TRAF3: variants seen among roughly 807,000 people sequenced by gnomAD.
The protein encoded by TRAF3 is TNF receptor associated factor 3.
Under a neutral mutation model 62.3 loss-of-function variants are expected in TRAF3, and 13 were observed. That is an observed-to-expected ratio of 0.21 (90% CI 0.14 to 0.33). The LOEUF (loss-of-function observed/expected upper bound fraction) is 0.33. TRAF3 is among the 10% of genes least tolerant of loss of function. TRAF3 has a pLI of 1.00. For synonymous variants in TRAF3, 269 were observed against 283.4 expected (o/e 0.95, Z 0.51); for missense variants, 440 against 741.8 (o/e 0.59, Z 4.73).
chr14:102,832,011 A>G (rs1180425887), intron 2 of TRAF3, among the ~76,000 whole-genome samples: 1 of 152,210 alleles, frequency 6.6e-6, no homozygotes, highest in Non-Finnish European at 1.5e-5. Context: ...TAATGCCTGG[A>G]AGCCAGTTGG....
intron 1 of TRAF3, among the ~76,000 whole-genome samples, chr14:102,827,243 C>T (rs570294699): frequency 5.3e-5 from 8 of 152,224 alleles, no homozygotes; most frequent in South Asian, 2.1e-4. Flanking sequence ...TCCTCCACCA[C>T]GCATGATGGT....
At chr14:102,812,685 C>T (rs1030644851) in intron 1 of TRAF3, among the ~76,000 whole-genome samples, 3 of 151,938 alleles carry the variant, frequency 2.0e-5, no homozygotes, top group East Asian at 2.0e-4. Flanking sequence ...TTTGGGAGGC[C>T]GAGGGGGGCG....
Position 102,870,229 on chromosome 14 carries a change from C to A in TRAF3, c.28C>A (p.Pro10Thr), listed in dbSNP as rs1302170239. 6.2e-7 allele frequency: 1 copy of A among 1,613,986 alleles called. No individual in the cohort carries two copies. The highest frequency in any genetic ancestry group is 1.3e-5 in the African/African-American group (1 of 74,912). Residue 10 changes from proline to threonine, a missense_variant, in exon 3 of 12, where the codon CCT (proline) becomes ACT (threonine). Coordinates refer to ENST00000392745, the MANE Select transcript of TRAF3 (RefSeq NM_145725.3). MESSKKMDSPGALQTNPPLK... is the reference protein window; with the variant it reads MESSKKMDSTGALQTNPPLK... ...GGAGTCGAGTAAAAAGATGGACTCT[C>A]CTGGCGCGCTGCAGACTAACCCGCC... is the stretch of plus-strand genomic sequence containing the variant.
intron 8 of TRAF3, among the ~76,000 whole-genome samples, 178 bp from the exon 9 acceptor site, chr14:102,891,147 G>A (rs1035320623): frequency 6.6e-6 from 1 of 152,200 alleles, no homozygotes; most frequent in Non-Finnish European, 1.5e-5. Flanking sequence ...TCACCTGCAC[G>A]CAGTAGCCAG....
Position 102,886,276 on chromosome 14 carries a change from GCGGCCGGGCC to G in TRAF3, c.651+16_651+25del, listed in dbSNP as rs774650806. On this transcript the variant is annotated splice_region_variant and intron_variant, in intron 7 of 11. Transcript: ENST00000392745. Reference sequence around the variant, plus strand: ...GACTCTCCTGAGGAGCGAGGTAGGGGCGGCCGGGCCCGGCCGGGAGTCTGTGGAGTCCTCA... The same window carrying G: ...GACTCTCCTGAGGAGCGAGGTAGGGGCGGCCGGGAGTCTGTGGAGTCCTCA... 1.9e-6 allele frequency: 3 copies of G among 1,608,394 alleles called. No homozygotes were observed. The highest frequency in any genetic ancestry group is 2.5e-6 in the Non-Finnish European group (3 of 1,178,986).
chr14:102,852,721 G>C (rs1437965600), intron 2 of TRAF3, among the ~76,000 whole-genome samples: 1 of 151,860 alleles, frequency 6.6e-6, no homozygotes, highest in Admixed American at 6.6e-5. Flanking sequence ...TTTTTTTAGA[G>C]ACAGAATCTT....
intron 1 of TRAF3, among the ~76,000 whole-genome samples, chr14:102,821,899 G>A (rs1183117327): frequency 1.3e-5 from 2 of 152,138 alleles, no homozygotes; most frequent in Admixed American, 6.6e-5. Flanking sequence ...AAAATTAGCC[G>A]GGTGTGGTGG....
intron 2 of TRAF3, among the ~76,000 whole-genome samples, chr14:102,860,596 G>T (rs1303506045): frequency 1.3e-5 from 2 of 152,212 alleles, no homozygotes; most frequent in Admixed American, 6.5e-5. Context: ...CCTCCCAGGT[G>T]CTGAGAGAAA....
chr14:102,900,335 T>C (rs902501876), intron 10 of TRAF3, among the ~76,000 whole-genome samples: 7 of 151,768 alleles, frequency 4.6e-5, no homozygotes, highest in Admixed American at 4.6e-4. Context: ...ACCCCGTCTC[T>C]ACTAAAAATA....
chr14:102,782,839 C>G (rs1478137648), intron 1 of TRAF3, among the ~76,000 whole-genome samples: 1 of 152,006 alleles, frequency 6.6e-6, no homozygotes, highest in Non-Finnish European at 1.5e-5. Context: ...GTGGCAGAAC[C>G]CAAAAGCGTA....
At chr14:102,899,768 G>A (rs1053620682) in intron 10 of TRAF3, among the ~76,000 whole-genome samples, 11 of 152,192 alleles carry the variant, frequency 7.2e-5, no homozygotes, top group Non-Finnish European at 1.2e-4. Context: ...CTGTGGCAGT[G>A]GGGGTGCAGG....
intron 1 of TRAF3, among the ~76,000 whole-genome samples, chr14:102,827,447 A>G (rs1900391813): frequency 6.6e-6 from 1 of 152,224 alleles, no homozygotes; most frequent in African/African-American, 2.4e-5. Context: ...TAAACACAAA[A>G]TTCTTTTCAT....
intron 2 of TRAF3, among the ~76,000 whole-genome samples, chr14:102,858,990 G>A (rs1164449729): frequency 1.3e-5 from 2 of 152,162 alleles, no homozygotes; most frequent in Non-Finnish European, 1.5e-5. Context: ...TTAAAGAGCA[G>A]ATCAGTGCTC....
chr14:102,890,657 A>G (rs944136529), intron 8 of TRAF3, among the ~76,000 whole-genome samples: 17 of 152,250 alleles, frequency 1.1e-4, no homozygotes, highest in African/African-American at 3.6e-4. Context: ...AAAACAAATT[A>G]TATTTCAGAC....
chr14:102,895,107 C>T (rs774653802), intron 9 of TRAF3: 26 of 455,726 alleles, frequency 5.7e-5, no homozygotes, highest in South Asian at 3.3e-4. Flanking sequence ...AATTCTGTCC[C>T]GTCTTTGACA....
chr14:102,895,693 A>G (rs114381942), intron 9 of TRAF3, among the ~76,000 whole-genome samples: 1,692 of 152,368 alleles, frequency 0.011, 35 homozygotes, highest in African/African-American at 0.039. Context: ...CTTGTGAGAA[A>G]GAAACCCTCG....
In TRAF3 at chr14:102,826,675, T is replaced by C. The variant is rs1038236683; in HGVS notation, c.-156-3659T>C. On this transcript the variant is annotated intron_variant, in intron 1 of 11. Coordinates refer to ENST00000392745, the MANE Select transcript of TRAF3 (RefSeq NM_145725.3). This position sits in a 1 kb window ranked among gnomAD's most constrained non-coding sequence, Gnocchi z 4.6. ...TAGAATTGGGGAGTGACCAGTAGAT[T>C]CTTTAATTTGTTTATTCATTCGTGC... is the stretch of plus-strand genomic sequence containing the variant. 2.6e-5 allele frequency among the ~76,000 whole-genome samples: 4 copies of C among 152,108 alleles called. No individual in the cohort carries two copies. The highest frequency in any genetic ancestry group is 5.9e-5 in the Non-Finnish European group (4 of 68,000).
In TRAF3 at chr14:102,834,612, C is replaced by T. The variant is rs192613654; in HGVS notation, c.-18+4140C>T. 4.2e-3 allele frequency among the ~76,000 whole-genome samples: 588 copies of T among 139,606 alleles called. 3 individuals are homozygous for T. Among genetic ancestry groups the T allele is most frequent in the Non-Finnish European group, 6.6e-3 (438 of 66,614 alleles). The allele number at this position is 139,606 out of a possible 152,430, so 91.6% of individuals were successfully genotyped here. ...CTGAGGCAGGAGAATGGCGTGAACCCGGGAGGCGGAGCTTGCAGTGAGCCG... is the reference window on the plus strand; with the variant it reads ...CTGAGGCAGGAGAATGGCGTGAACCTGGGAGGCGGAGCTTGCAGTGAGCCG... On this transcript the variant is annotated intron_variant, in intron 2 of 11. Transcript: ENST00000392745.
chr14:102,785,917 G>T (rs1897477278), intron 1 of TRAF3, among the ~76,000 whole-genome samples: 1 of 152,178 alleles, frequency 6.6e-6, no homozygotes, highest in Non-Finnish European at 1.5e-5. Flanking sequence ...GTTGGCCCTT[G>T]TTGGGTGGAG....
Sources: allele counts gnomAD v4.1 joint callset (sites outside exome capture counted in the v4.1 genomes callset), GRCh38; gene constraint gnomAD v4.1.1; non-coding constraint Gnocchi (gnomAD v3.1); transcripts MANE v1.5; gene names NCBI Gene and HGNC (gene_info 2026-07-23, HGNC 2026-07-21).